MPDU1: variants seen among roughly 807,000 people sequenced by gnomAD.
MPDU1 encodes the protein mannose-P-dolichol utilization defect 1 protein.
In MPDU1, 18 loss-of-function variants were observed where a neutral mutation model predicts 27.6. The observed-to-expected ratio is 0.65, with a 90% CI of 0.45 to 0.97. The LOEUF (loss-of-function observed/expected upper bound fraction) is 0.97, where lower values mean the gene tolerates loss of function less well. Among genes scored for constraint, MPDU1 ranks in the 50% least tolerant of loss-of-function variants. The pLI, the probability that MPDU1 is intolerant of heterozygous loss-of-function variation, is 0.00. For missense variants in MPDU1, 279 were observed against 297.4 expected, an observed-to-expected ratio of 0.94 and a Z score of 0.46; for synonymous variants, 142 against 131.1, an observed-to-expected ratio of 1.08 and a Z score of -0.57.
intron 6 of MPDU1, 38 bp downstream of exon 6, chr17:7,587,309 C>G: frequency 6.2e-7 from 1 of 1,612,790 alleles, no homozygotes. Flanking sequence ...GCACTAAAAC[C>G]TCGTCTTACT....
chr17:7,584,860 G>T (rs2071554950), intron 1 of MPDU1, among the ~76,000 whole-genome samples: 1 of 152,160 alleles, frequency 6.6e-6, no homozygotes, highest in African/African-American at 2.4e-5. Flanking sequence ...GGGCGTTGTG[G>T]CAGGCGCCTG....
In MPDU1 at chr17:7,586,993, T is replaced by C. The variant is rs2071594591; in HGVS notation, c.483T>C (p.Asn161=). ...TAGTCACCCTGCTCCAGGCCTCCAA[T>C]GTGCCTGCTGTGGTGGTGGGGAGGG... ...LTVVTLLQAS[N]VPAVVVGRLL... The change falls in exon 5 of 7, where the codon AAT becomes AAC. Residue 161 remains asparagine (N), a synonymous_variant. Coordinates refer to ENST00000250124, the MANE Select transcript of MPDU1 (RefSeq NM_004870.4). The C allele has an allele frequency of 2.0e-6, 3 of 1,523,510 alleles. No individual in the cohort carries two copies. Among genetic ancestry groups the C allele is most frequent in the Non-Finnish European group, 2.7e-6 (3 of 1,131,210 alleles). 94.4% of individuals were successfully genotyped at this position (1,523,510 alleles called of 1,614,324 possible). A position where few individuals can be genotyped will look rare whatever the true frequency, so the allele number is the denominator to read the frequency against.
rs1170753451 is a variant in MPDU1, at chr17:7,583,950, T to G, written c.88T>G (p.Trp30Gly). The G allele has an allele frequency of 6.2e-7, 1 of 1,614,090 alleles. No individual in the cohort carries two copies. Among genetic ancestry groups the G allele is most frequent in the South Asian group, 1.1e-5 (1 of 91,088 alleles). Residue 30 changes from tryptophan (W) to glycine (G), a missense_variant, in exon 1 of 7, where the codon TGG (tryptophan) becomes GGG (glycine). Physicochemically the swap from Trp to Gly is radical, Grantham distance 184. Transcript: ENST00000250124. ...ATGCTACGACCAACTTTTCGTTCAG[T>G]GGGACTTGCTTCACGGTGAGTTTTA... is the stretch of plus-strand genomic sequence containing the variant. Reference protein sequence around the residue: ...EKCYDQLFVQWDLLHVPCLKI... With the variant: ...EKCYDQLFVQGDLLHVPCLKI...
chr17:7,586,071 C>T lies in MPDU1; in HGVS notation c.295C>T (p.Pro99Ser). Residue 99 changes from proline to serine, a missense_variant, in exon 3 of 7, where the codon CCA (proline) becomes TCA (serine). Coordinates refer to ENST00000250124, the MANE Select transcript of MPDU1 (RefSeq NM_004870.4). ...GGTCTACAGCATCACTAACAACTTC[C>T]CATTCAGGTGAGGGGCCCACCCTTC... ...TMVYSITNNF[P>S]FSSWGEALFL... 1 of 1,613,666 alleles carries T rather than the reference C, an allele frequency of 6.2e-7. No individual in the cohort carries two copies. Among genetic ancestry groups the T allele is most frequent in the Non-Finnish European group, 8.5e-7 (1 of 1,180,020 alleles).
At chr17:7,585,352 C>A (rs1390134326) in intron 1 of MPDU1, among the ~76,000 whole-genome samples, 7 of 152,028 alleles carry the variant, frequency 4.6e-5, no homozygotes. Flanking sequence ...GCCTGGCCAA[C>A]ATGGTGAAAC....
At chr17:7,585,305 G>C (rs755319155) in intron 1 of MPDU1, among the ~76,000 whole-genome samples, 15 of 151,850 alleles carry the variant, frequency 9.9e-5, no homozygotes, top group Non-Finnish European at 2.1e-4. Flanking sequence ...AGGAGGCTGA[G>C]GCAGGTGGAT....
upstream of MPDU1, chr17:7,583,801 C>T (rs1293469889): frequency 1.9e-6 from 3 of 1,551,854 alleles, no homozygotes; most frequent in Admixed American, 1.7e-5. Context: ...GTGTCCGCAG[C>T]GCGCACGCGC....
Position 7,587,439 on chromosome 17 carries a change from C to A in MPDU1, c.632C>A (p.Pro211His). ...IFTSIQETGDPLMAGTFVVSS... is the reference protein window; with the variant it reads ...IFTSIQETGDHLMAGTFVVSS... Reference sequence around the variant, plus strand: ...TCTTGCAACCAGGAAACCGGAGATCCCCTGATGGCTGGGACCTTTGTGGTC... The same window carrying A: ...TCTTGCAACCAGGAAACCGGAGATCACCTGATGGCTGGGACCTTTGTGGTC... The change falls in exon 7 of 7, where the codon CCC becomes CAC. Residue 211 changes from proline (P) to histidine (H), a missense_variant. Physicochemically the swap from Pro to His is moderately conservative, Grantham distance 77 (BLOSUM62 -2). Coordinates refer to ENST00000250124, the MANE Select transcript of MPDU1 (RefSeq NM_004870.4). The A allele has an allele frequency of 5.6e-6, 9 of 1,613,964 alleles. No homozygotes were observed. Among genetic ancestry groups the A allele is most frequent in the Non-Finnish European group, 7.6e-6 (9 of 1,180,000 alleles).
At position 7,585,941 on chromosome 17, in the gene MPDU1, C is replaced by T. The variant is rs752523799; in HGVS notation, c.170-5C>T. On this transcript the variant is annotated splice_region_variant and splice_polypyrimidine_tract_variant and intron_variant, in intron 2 of 6. Coordinates refer to ENST00000250124, the MANE Select transcript of MPDU1 (RefSeq NM_004870.4). ...TCAGTCCTACTTTTCTCATCTTTCC[C>T]CTAGTAAAGCTGCCCCAGGTGTTTA... 1.9e-6 allele frequency: 3 copies of T among 1,614,124 alleles called. No homozygotes were observed. The highest frequency in any genetic ancestry group is 4.5e-5 in the East Asian group (2 of 44,882).
intron 3 of MPDU1, chr17:7,586,439 T>TA (rs59882896): frequency 0.032 from 15,327 of 482,906 alleles, 15 homozygotes; most frequent in East Asian, 0.038. Flanking sequence ...AACTCAGTCT[T>TA]AAAAAAAAAA....
At position 7,583,858 on chromosome 17, in the gene MPDU1, G is replaced by A. The variant is rs770725569; in HGVS notation, c.-5G>A. 3 of 1,614,038 alleles carry A rather than the reference G, an allele frequency of 1.9e-6. No homozygotes were observed. The highest frequency in any genetic ancestry group is 3.3e-5 in the Admixed American group (2 of 60,016). On this transcript the variant is annotated 5_prime_UTR_variant, in exon 1 of 7. Transcript: ENST00000250124. Reference sequence around the variant, plus strand: ...GGAGAGACTGGCGGAAGCTAGCTTTGCAATATGGCGGCCGAGGCGGACGGA... The same window carrying A: ...GGAGAGACTGGCGGAAGCTAGCTTTACAATATGGCGGCCGAGGCGGACGGA...
intron 5 of MPDU1, 50 bp downstream of exon 5, chr17:7,587,067 G>GGGGGC: frequency 1.4e-5 from 15 of 1,041,274 alleles, no homozygotes; most frequent in Non-Finnish European, 2.1e-5. Flanking sequence ...GGGTGGGGGG[G>GGGGGC]AAGAGTAGAA....
chr17:7,585,536 CCAAAAAAAA>C (rs2071567383), intron 1 of MPDU1, among the ~76,000 whole-genome samples, 187 bp from the exon 2 acceptor site: 1 of 148,170 alleles, frequency 6.7e-6, no homozygotes, highest in South Asian at 2.1e-4. Flanking sequence ...GACTCTGTCT[CCAAAAAAAA>C]AAAAAAGTGT....
chr17:7,583,976 T>G lies in MPDU1; in HGVS notation c.103+11T>G. On this transcript the variant is annotated intron_variant, in intron 1 of 6. Coordinates refer to ENST00000250124, the MANE Select transcript of MPDU1 (RefSeq NM_004870.4). ...GGGACTTGCTTCACGGTGAGTTTTA[T>G]TCAGCATCCGATCCAAGTCCTACTC... is the stretch of plus-strand genomic sequence containing the variant. 1.9e-6 allele frequency: 3 copies of G among 1,612,820 alleles called. No homozygotes were observed. Among genetic ancestry groups the G allele is most frequent in the Non-Finnish European group, 2.5e-6 (3 of 1,179,332 alleles).
chr17:7,587,048 G>T, intron 5 of MPDU1, 31 bp downstream of exon 5: 2 of 1,579,328 alleles, frequency 1.3e-6, no homozygotes, highest in Non-Finnish European at 1.7e-6. Context: ...ACAAGATGTT[G>T]TGGGGGCAGG....
At position 7,587,418 on chromosome 17, in the gene MPDU1, G is replaced by T; in HGVS notation, c.619-8G>T. 16 of 1,613,988 alleles carry T rather than the reference G, an allele frequency of 9.9e-6. No homozygotes were observed. Among genetic ancestry groups the T allele is most frequent in the Non-Finnish European group, 1.4e-5 (16 of 1,180,018 alleles). On this transcript the variant is annotated splice_polypyrimidine_tract_variant and splice_region_variant and intron_variant, in intron 6 of 6. Coordinates refer to ENST00000250124, the MANE Select transcript of MPDU1 (RefSeq NM_004870.4). ...AAGGGTAACCCTGGCTCTGTCTCTT[G>T]CAACCAGGAAACCGGAGATCCCCTG...
chr17:7,583,772 G>A, upstream of MPDU1: 1 of 1,384,108 alleles, frequency 7.2e-7, no homozygotes, highest in Non-Finnish European at 1.0e-6. Context: ...TTCGCCGCGG[G>A]AAAAGAACGG....
rs2071606773 is a variant in MPDU1, at chr17:7,587,594, C to T, written c.*43C>T. On this transcript the variant is annotated 3_prime_UTR_variant, in exon 7 of 7. Coordinates refer to ENST00000250124, the MANE Select transcript of MPDU1 (RefSeq NM_004870.4). ...ATTCCGTTTCCACTCATTCACCCAA[C>T]CTCAGGGTTCTCCCCATCTGAGCCA... 6.2e-7 allele frequency: 1 copy of T among 1,612,730 alleles called. No homozygotes were observed. The highest frequency in any genetic ancestry group is 1.1e-5 in the South Asian group (1 of 90,884).
chr17:7,586,861 GGA>G (rs1417306102), intron 4 of MPDU1, 36 bp from the exon 5 acceptor site: 9 of 1,611,760 alleles, frequency 5.6e-6, no homozygotes, highest in Admixed American at 1.7e-5. Flanking sequence ...CAAATGATGT[GGA>G]GAGATTGACA....
Sources: allele counts gnomAD v4.1 joint callset (sites outside exome capture counted in the v4.1 genomes callset), GRCh38; gene constraint gnomAD v4.1.1; transcripts MANE v1.5; gene names NCBI Gene and HGNC (gene_info 2026-07-23, HGNC 2026-07-21).